Variants in ZNF462 observed in about 807,000 individuals in gnomAD.
The protein encoded by ZNF462 is zinc finger protein 462, also known as zinc finger PBX1-interacting protein.
Under a neutral mutation model 201.9 loss-of-function variants are expected in ZNF462, and 10 were observed. The observed-to-expected ratio is 0.05, with a 90% CI of 0.03 to 0.08. The LOEUF is 0.08. ZNF462 is among the 10% of genes least tolerant of loss of function. The pLI, the probability that ZNF462 is intolerant of heterozygous loss-of-function variation, is 1.00. For synonymous variants in ZNF462, 1,227 were observed against 1,193.3 expected (o/e 1.03, Z -0.58); for missense variants, 2,523 against 3,168.3 (o/e 0.80, Z 4.89).
intron 1 of ZNF462, among the ~76,000 whole-genome samples, chr9:106,915,474 G>T (rs1301613500): frequency 6.6e-6 from 1 of 152,154 alleles, no homozygotes; most frequent in Non-Finnish European, 1.5e-5. Context: ...CAAGAGAAAA[G>T]AAATTTCTTA....
Position 106,902,616 on chromosome 9 carries a change from T to G in ZNF462, c.-30-20738T>G, listed in dbSNP as rs1322913258. On this transcript the variant is annotated intron_variant, in intron 1 of 12. Transcript: ENST00000277225. This position sits in a 1 kb window ranked among gnomAD's most constrained non-coding sequence, Gnocchi z 4.2. ...AATCTCACTGCTTGTTATTGGTCTG[T>G]TCAGGGTACCTAATTCTTCCTGATT... is the stretch of plus-strand genomic sequence containing the variant. Among the ~76,000 whole-genome samples the G allele has an allele frequency of 6.6e-6, 1 of 152,200 alleles. No homozygotes were observed. Among genetic ancestry groups the G allele is most frequent in the Non-Finnish European group, 1.5e-5 (1 of 68,028 alleles).
upstream of ZNF462, among the ~76,000 whole-genome samples, chr9:106,862,932 CAGG>C (rs1196447035): frequency 4.6e-5 from 7 of 151,946 alleles, no homozygotes; most frequent in Non-Finnish European, 7.4e-5. The surrounding 1 kb of genome is among the most constrained non-coding windows in gnomAD (Gnocchi z 4.2). Flanking sequence ...TTTTGTGTGG[CAGG>C]AGAAGATTGT....
intron 5 of ZNF462, among the ~76,000 whole-genome samples, chr9:106,934,808 C>G (rs1185803842): frequency 3.9e-5 from 6 of 152,138 alleles, no homozygotes; most frequent in Non-Finnish European, 5.9e-5. Flanking sequence ...TTATGAAGTA[C>G]TAGGGGTTCG....
At chr9:106,961,231 A>T (rs1333677280) in intron 7 of ZNF462, among the ~76,000 whole-genome samples, 1 of 152,228 alleles carries the variant, frequency 6.6e-6, no homozygotes. Context: ...TGGCTTCCAG[A>T]TGTGCTGATA....
rs552968965 is a variant in ZNF462 at position 106,865,875 on chromosome 9, A to G, written c.-31+2520A>G. Among the ~76,000 whole-genome samples the G allele has an allele frequency of 6.6e-6, 1 of 152,188 alleles. No individual in the cohort carries two copies. The highest frequency in any genetic ancestry group is 2.1e-4 in the South Asian group (1 of 4,830). ...ACACACATTGATGGGAGCTCTTCAC[A>G]TATTAGTTTTAGAGAATGTACATAA... On this transcript the variant is annotated intron_variant, in intron 1 of 12. Coordinates refer to ENST00000277225, the MANE Select transcript of ZNF462 (RefSeq NM_021224.6). This position sits in a 1 kb window ranked among gnomAD's most constrained non-coding sequence, Gnocchi z 4.1.
At position 106,941,142 on chromosome 9, in the gene ZNF462, T is replaced by A. The variant is rs150141728; in HGVS notation, c.6427+2035T>A. 5.3e-3 allele frequency among the ~76,000 whole-genome samples: 800 copies of A among 152,302 alleles called. 10 individuals are homozygous for A. Among genetic ancestry groups the A allele is most frequent in the African/African-American group, 0.018 (766 of 41,574 alleles). Reference sequence around the variant, plus strand: ...AAGGGAATCCTTTAAACCCACCCACTGCATGTATCATCATCCTCTGCATAG... The same window carrying A: ...AAGGGAATCCTTTAAACCCACCCACAGCATGTATCATCATCCTCTGCATAG... On this transcript the variant is annotated intron_variant, in intron 7 of 12. Coordinates refer to ENST00000277225, the MANE Select transcript of ZNF462 (RefSeq NM_021224.6).
At chr9:106,908,565 T>G (rs1221393810) in intron 1 of ZNF462, among the ~76,000 whole-genome samples, 1 of 152,090 alleles carries the variant, frequency 6.6e-6, no homozygotes, top group African/African-American at 2.4e-5. Context: ...ACAGACAGAA[T>G]CCAGTTAGAG....
chr9:106,884,881 G>A (rs928089216), intron 1 of ZNF462, among the ~76,000 whole-genome samples: 1 of 152,184 alleles, frequency 6.6e-6, no homozygotes, highest in Non-Finnish European at 1.5e-5. Context: ...TTAGAGTAAC[G>A]TTGGCTAGAG....
chr9:106,938,989 C>G lies in ZNF462; in HGVS notation c.6309C>G (p.Leu2103=), dbSNP rs1830748681. 3 of 1,614,030 alleles carry G rather than the reference C, an allele frequency of 1.9e-6. No homozygotes were observed. Among genetic ancestry groups the G allele is most frequent in the Non-Finnish European group, 2.5e-6 (3 of 1,179,952 alleles). ...MTISQLKEHS[L]KVHGKALTLP... Reference sequence around the variant, plus strand: ...TCAGCCAGCTGAAGGAACACTCCCTCAAGGTCCACGGAAAAGCCCTGACCC... The same window carrying G: ...TCAGCCAGCTGAAGGAACACTCCCTGAAGGTCCACGGAAAAGCCCTGACCC... The change falls in exon 7 of 13, where the codon CTC becomes CTG. Residue 2103 remains leucine, a synonymous_variant. Coordinates refer to ENST00000277225, the MANE Select transcript of ZNF462 (RefSeq NM_021224.6). This position sits in a 1 kb window ranked among gnomAD's most constrained non-coding sequence, Gnocchi z 4.4.
chr9:107,001,379 T>C (rs1280489761), intron 10 of ZNF462, among the ~76,000 whole-genome samples: 1 of 152,144 alleles, frequency 6.6e-6, no homozygotes, highest in Non-Finnish European at 1.5e-5. Flanking sequence ...AAGGCTCACA[T>C]TCCCAGAAAG....
chr9:106,931,764 T>C (rs934422617), intron 4 of ZNF462, among the ~76,000 whole-genome samples: 2 of 152,192 alleles, frequency 1.3e-5, no homozygotes, highest in African/African-American at 4.8e-5. Context: ...TCTCCAGTCA[T>C]AGAGTGAAGT....
In ZNF462 at chr9:106,970,714, G is replaced by A. The variant is rs1299705882; in HGVS notation, c.6428-1291G>A. Among the ~76,000 whole-genome samples, 1 of 152,158 alleles carries A rather than the reference G, an allele frequency of 6.6e-6. No homozygotes were observed. The highest frequency in any genetic ancestry group is 1.5e-5 in the Non-Finnish European group (1 of 68,042). ...TTCATAGGCAGCTGTAGGTTATATA[G>A]GACAATGTTTTTGAATTTCTAACCT... is the stretch of plus-strand genomic sequence containing the variant. On this transcript the variant is annotated intron_variant, in intron 7 of 12. Coordinates refer to ENST00000277225, the MANE Select transcript of ZNF462 (RefSeq NM_021224.6). The surrounding 1 kb of genome is among the most constrained non-coding windows in gnomAD (Gnocchi z 4.2).
At chr9:106,998,959 T>G (rs1828955387) in intron 10 of ZNF462, among the ~76,000 whole-genome samples, 1 of 152,150 alleles carries the variant, frequency 6.6e-6, no homozygotes, top group South Asian at 2.1e-4. Context: ...TCTGGGTTAG[T>G]GGCCTTCACA....
intron 1 of ZNF462, among the ~76,000 whole-genome samples, chr9:106,906,702 C>A (rs1049234462): frequency 6.6e-6 from 1 of 152,108 alleles, no homozygotes; most frequent in African/African-American, 2.4e-5. Flanking sequence ...TTATCAGTCA[C>A]CCCAGTTGTT....
rs1829255252 is a variant in ZNF462 at position 106,905,984 on chromosome 9, G to T, written c.-30-17370G>T. On this transcript the variant is annotated intron_variant, in intron 1 of 12. Transcript: ENST00000277225. The surrounding 1 kb of genome is among the most constrained non-coding windows in gnomAD (Gnocchi z 5.9). ...TTCTCCCTGTGGAGTTTTACCCCCT[G>T]CTCCTCTGGCCACCCTCCCAATGGA... 6.6e-6 allele frequency among the ~76,000 whole-genome samples: 1 copy of T among 152,162 alleles called. No homozygotes were observed. Among genetic ancestry groups the T allele is most frequent in the Admixed American group, 6.5e-5 (1 of 15,278 alleles).
In ZNF462 at chr9:106,880,714, T is replaced by C. The variant is rs1458155647; in HGVS notation, c.-31+17359T>C. Among the ~76,000 whole-genome samples the C allele has an allele frequency of 6.6e-6, 1 of 152,212 alleles. No individual in the cohort carries two copies. Among genetic ancestry groups the C allele is most frequent in the Non-Finnish European group, 1.5e-5 (1 of 68,034 alleles). ...ATATTTCTCTATTTAAATGTGTTTG[T>C]AGTCAGAACTTCAGTATAAGGGAAA... On this transcript the variant is annotated intron_variant, in intron 1 of 12. Coordinates refer to ENST00000277225, the MANE Select transcript of ZNF462 (RefSeq NM_021224.6). This position sits in a 1 kb window ranked among gnomAD's most constrained non-coding sequence, Gnocchi z 4.1.
At chr9:106,979,875 G>A (rs1259468271) in intron 9 of ZNF462, among the ~76,000 whole-genome samples, 1 of 152,114 alleles carries the variant, frequency 6.6e-6, no homozygotes, top group Non-Finnish European at 1.5e-5. Context: ...TGTAATCACT[G>A]CTATGGGTCT....
At chr9:106,878,231 G>A (rs1827923237) in intron 1 of ZNF462, among the ~76,000 whole-genome samples, 1 of 152,132 alleles carries the variant, frequency 6.6e-6, no homozygotes, top group African/African-American at 2.4e-5. Context: ...TTCTCTTTCT[G>A]GTGAAGCCTG....
chr9:106,925,357 C>T lies in ZNF462; in HGVS notation c.1445C>T (p.Ser482Leu), dbSNP rs776004345. ...CDECPFTCKSSLKLGAHKQCH... is the reference protein window; with the variant it reads ...CDECPFTCKSLLKLGAHKQCH... ...GAATGTCCGTTTACTTGCAAGAGCTCGTTGAAACTTGGGGCTCACAAACAG... is the reference window on the plus strand; with the variant it reads ...GAATGTCCGTTTACTTGCAAGAGCTTGTTGAAACTTGGGGCTCACAAACAG... Residue 482 changes from serine (S) to leucine (L), a missense_variant, in exon 3 of 13, where the codon TCG becomes TTG. Physicochemically the swap from Ser to Leu is moderately radical, Grantham distance 145. Coordinates refer to ENST00000277225, the MANE Select transcript of ZNF462 (RefSeq NM_021224.6). This position sits in a 1 kb window ranked among gnomAD's most constrained non-coding sequence, Gnocchi z 7.9. 6.8e-6 allele frequency: 11 copies of T among 1,614,216 alleles called. No individual in the cohort carries two copies. Among genetic ancestry groups the T allele is most frequent in the South Asian group, 2.2e-5 (2 of 91,082 alleles).
Sources: gnomAD v4.1 joint callset for allele counts (sites outside exome capture counted in the v4.1 genomes callset) on GRCh38, gnomAD v4.1.1 for gene constraint, Gnocchi (gnomAD v3.1) non-coding constraint, MANE v1.5 for transcripts, NCBI Gene and HGNC (gene_info 2026-07-23, HGNC 2026-07-21) for gene names.